Variants in TEX10 observed in about 807,000 individuals in gnomAD.
The protein encoded by TEX10 is testis-expressed protein 10.
A neutral mutation model predicts 104.4 loss-of-function variants in TEX10; 24 were observed. The observed-to-expected ratio is 0.23, with a 90% CI of 0.17 to 0.32. TEX10 has a LOEUF of 0.32. Among genes scored for constraint, TEX10 ranks in the 10% least tolerant of loss-of-function variants. The pLI is 1.00. For missense variants in TEX10, 921 were observed against 1,083.9 expected, an observed-to-expected ratio of 0.85 and a Z score of 2.11; for synonymous variants, 396 against 393.4, an observed-to-expected ratio of 1.01 and a Z score of -0.08.
chr9:100,336,220 G>C (rs1162488816), intron 5 of TEX10, among the ~76,000 whole-genome samples: 1 of 152,108 alleles, frequency 6.6e-6, no homozygotes, highest in African/African-American at 2.4e-5. Context: ...GGGGGTACCT[G>C]AATAAGAAGT....
At chr9:100,350,704 GAA>G (rs1363854054) in intron 1 of TEX10, among the ~76,000 whole-genome samples, 1 of 152,124 alleles carries the variant, frequency 6.6e-6, no homozygotes, top group Non-Finnish European at 1.5e-5. Flanking sequence ...TGGGTAAAAC[GAA>G]AGTTTCCTTT....
chr9:100,344,632 GTCAGGAGT>G (rs1364491061), intron 4 of TEX10, among the ~76,000 whole-genome samples: 2 of 152,162 alleles, frequency 1.3e-5, no homozygotes, highest in African/African-American at 4.8e-5. Context: ...ATCACCTGAG[GTCAGGAGT>G]TCAAAACCAG....
chr9:100,352,587 C>T (rs1835484469), intron 1 of TEX10, 185 bp downstream of exon 1: 1 of 1,511,144 alleles, frequency 6.6e-7, no homozygotes, highest in African/African-American at 1.4e-5. Context: ...TAGGGGGTCC[C>T]GCCCCCGCAG....
At chr9:100,328,336 G>A (rs1834761363) in intron 7 of TEX10, among the ~76,000 whole-genome samples, 1 of 152,134 alleles carries the variant, frequency 6.6e-6, no homozygotes, top group Admixed American at 6.5e-5. Flanking sequence ...TAGAATACTT[G>A]CTGGAGTGTA....
intron 7 of TEX10, among the ~76,000 whole-genome samples, chr9:100,328,822 TAGAGATTCA>T (rs1172614756): frequency 6.6e-6 from 1 of 152,198 alleles, no homozygotes; most frequent in Non-Finnish European, 1.5e-5. Flanking sequence ...CACTAATGGC[TAGAGATTCA>T]ACCTCCGTAA....
intron 11 of TEX10, among the ~76,000 whole-genome samples, chr9:100,318,319 T>C (rs1303733622): frequency 6.6e-6 from 1 of 152,204 alleles, no homozygotes; most frequent in Middle Eastern, 3.2e-3. Flanking sequence ...TGCAGCAATA[T>C]GGATATAACG....
At chr9:100,339,046 G>A (rs921722927) in intron 5 of TEX10, among the ~76,000 whole-genome samples, 4 of 151,298 alleles carry the variant, frequency 2.6e-5, no homozygotes, top group Admixed American at 2.0e-4. Flanking sequence ...TTGAGGTCGG[G>A]AGTTCAAGAC....
chr9:100,302,376 C>T (rs1834010195), intron 14 of TEX10, 72 bp from the exon 15 acceptor site: 1 of 1,043,730 alleles, frequency 9.6e-7, no homozygotes, highest in East Asian at 2.4e-5. Flanking sequence ...ATTTTTCACA[C>T]CCAAACACAA....
chr9:100,336,375 T>C (rs1215397429), intron 5 of TEX10, among the ~76,000 whole-genome samples: 1 of 152,166 alleles, frequency 6.6e-6, no homozygotes, highest in Non-Finnish European at 1.5e-5. Context: ...CTGCTCCCCA[T>C]TGCTCACATT....
intron 13 of TEX10, chr9:100,305,025 A>G (rs1024783502): frequency 2.0e-5 from 3 of 152,246 alleles, no homozygotes; most frequent in Admixed American, 6.5e-5. Flanking sequence ...CTAAGAGCCA[A>G]ATCAAGAACA....
At chr9:100,325,340 A>G (rs1834679464) in intron 9 of TEX10, among the ~76,000 whole-genome samples, 1 of 152,200 alleles carries the variant, frequency 6.6e-6, no homozygotes, top group African/African-American at 2.4e-5. Flanking sequence ...AACATGAGCA[A>G]CATAAAACCT....
At chr9:100,333,284 G>A (rs1462178229) in intron 5 of TEX10, among the ~76,000 whole-genome samples, 1 of 151,952 alleles carries the variant, frequency 6.6e-6, no homozygotes, top group Non-Finnish European at 1.5e-5. Flanking sequence ...CCTTAAGCTT[G>A]GCCCTTAAAG....
chr9:100,324,786 A>C (rs186131240), intron 9 of TEX10, among the ~76,000 whole-genome samples: 194 of 152,328 alleles, frequency 1.3e-3, no homozygotes, highest in Non-Finnish European at 2.1e-3. Flanking sequence ...GTTATATCTA[A>C]GGAACAGAGT....
chr9:100,349,735 G>T (rs1835396036), intron 1 of TEX10, among the ~76,000 whole-genome samples: 1 of 152,072 alleles, frequency 6.6e-6, no homozygotes, highest in South Asian at 2.1e-4. Context: ...GTATCTGCTG[G>T]TGTGCTCCTG....
At chr9:100,316,894 T>TA (rs35651841) in intron 11 of TEX10, among the ~76,000 whole-genome samples, 9,831 of 53,272 alleles carry the variant, frequency 0.18, 1,044 homozygotes, top group Middle Eastern at 0.28. Context: ...TTATAATAGC[T>TA]AAAAAAAAAA....
At chr9:100,318,770 A>G (rs567948061) in intron 11 of TEX10, among the ~76,000 whole-genome samples, 4 of 152,370 alleles carry the variant, frequency 2.6e-5, no homozygotes, top group African/African-American at 9.6e-5. Context: ...TTCCAATTTA[A>G]AACATGTCAG....
intron 9 of TEX10, 21 bp from the exon 10 acceptor site, chr9:100,321,792 A>T: frequency 6.3e-7 from 1 of 1,590,700 alleles, no homozygotes; most frequent in Non-Finnish European, 8.6e-7. Flanking sequence ...CAAAGGGAGA[A>T]CTATTACCAG....
In TEX10 at chr9:100,302,258, T is replaced by TGTAA. The variant is rs1834001765; in HGVS notation, c.2719_2722dup (p.His908LeufsTer28). 3.7e-6 allele frequency: 6 copies of TGTAA among 1,613,608 alleles called. No homozygotes were observed. The highest frequency in any genetic ancestry group is 5.1e-6 in the Non-Finnish European group (6 of 1,179,784). Reference sequence around the variant, plus strand: ...AGTGATATACACGTTGAAGCAGTAATGTAAGTCTGTGAGCCACTGTTCCTG... The same window carrying TGTAA: ...AGTGATATACACGTTGAAGCAGTAATGTAAGTAAGTCTGTGAGCCACTGTTCCTG... On this transcript the variant is annotated frameshift_variant, in exon 15 of 15. Coordinates refer to ENST00000374902, the MANE Select transcript of TEX10 (RefSeq NM_017746.4). LOFTEE classifies it high-confidence loss of function.
intron 12 of TEX10, among the ~76,000 whole-genome samples, chr9:100,309,528 A>C (rs886768578): frequency 2.0e-5 from 3 of 152,212 alleles, no homozygotes; most frequent in African/African-American, 2.4e-5. Flanking sequence ...AGGGAAAAAA[A>C]AGTGGGCATT....
Sources: allele counts gnomAD v4.1 joint callset (sites outside exome capture counted in the v4.1 genomes callset), GRCh38; gene constraint gnomAD v4.1.1; transcripts MANE v1.5; gene names NCBI Gene and HGNC (gene_info 2026-07-23, HGNC 2026-07-21).